Variants in NYAP2 observed in about 807,000 individuals in gnomAD.
The protein encoded by NYAP2 is neuronal tyrosine-phosphorylated phosphoinositide-3-kinase adaptor 2.
NYAP2 carries 23 observed loss-of-function variants against 50.4 expected under a neutral mutation model. The observed-to-expected ratio is 0.46, with a 90% CI of 0.33 to 0.65. The LOEUF (loss-of-function observed/expected upper bound fraction) is 0.65. Ranked by LOEUF, NYAP2 falls within the 30% of genes least tolerant of loss-of-function variation. The pLI is 0.02. For missense variants in NYAP2, 885 were observed against 861.0 expected (o/e 1.03, Z -0.35); for synonymous variants, 394 against 365.2 (o/e 1.08, Z -0.90).
At chr2:225,422,883 T>C (rs979129227) in intron 3 of NYAP2, among the ~76,000 whole-genome samples, 61 of 152,150 alleles carry the variant, frequency 4.0e-4, no homozygotes, top group African/African-American at 1.4e-3. Context: ...ATACTATGAC[T>C]AGTATTCTTC....
upstream of NYAP2, among the ~76,000 whole-genome samples, chr2:225,399,408 G>A (rs1458881043): frequency 6.6e-6 from 1 of 152,046 alleles, no homozygotes. Context: ...ATTCAGTAGA[G>A]TATTAAGAAC....
intron 5 of NYAP2, among the ~76,000 whole-genome samples, chr2:225,602,890 C>T (rs2106242797): frequency 6.6e-6 from 1 of 152,074 alleles, no homozygotes; most frequent in South Asian, 2.1e-4. Context: ...TGTGAGACCT[C>T]CAATTTTGTT....
chr2:225,642,093 T>C (rs1693544063), intron 6 of NYAP2, among the ~76,000 whole-genome samples: 5 of 151,992 alleles, frequency 3.3e-5, no homozygotes, highest in Admixed American at 3.3e-4. Flanking sequence ...AGCATGGAGC[T>C]TAGTAGAGGA....
At chr2:225,620,500 C>T (rs547531609) in intron 5 of NYAP2, among the ~76,000 whole-genome samples, 12 of 151,784 alleles carry the variant, frequency 7.9e-5, no homozygotes, top group South Asian at 4.2e-4. Flanking sequence ...CACACACGCA[C>T]GCACACACAC....
intron 5 of NYAP2, among the ~76,000 whole-genome samples, chr2:225,616,730 G>A (rs1369394964): frequency 6.6e-6 from 1 of 152,060 alleles, no homozygotes; most frequent in Non-Finnish European, 1.5e-5. Context: ...CCGAGAGGCA[G>A]GACAACCATC....
intron 3 of NYAP2, among the ~76,000 whole-genome samples, chr2:225,500,242 T>C (rs1325350023): frequency 2.0e-5 from 3 of 152,198 alleles, no homozygotes; most frequent in Non-Finnish European, 4.4e-5. Flanking sequence ...AAGCTTGCAG[T>C]CATAAAGAGG....
chr2:225,683,882 T>G, the NYAP2 span, among the ~76,000 whole-genome samples: 1 of 152,216 alleles, frequency 6.6e-6, no homozygotes, highest in African/African-American at 2.4e-5. Context: ...TCATTTTTTT[T>G]TCTGCCTTTT....
At chr2:225,531,147 T>C (rs1200987242) in intron 4 of NYAP2, among the ~76,000 whole-genome samples, 2 of 152,178 alleles carry the variant, frequency 1.3e-5, no homozygotes, top group Non-Finnish European at 2.9e-5. Context: ...CTGAACTCAT[T>C]AGCATGACCT....
At chr2:225,639,494 A>T (rs960579469) in intron 6 of NYAP2, among the ~76,000 whole-genome samples, 1 of 152,072 alleles carries the variant, frequency 6.6e-6, no homozygotes, top group African/African-American at 2.4e-5. Context: ...TGGTGATAAA[A>T]CTGAGGCTCA....
the NYAP2 span, among the ~76,000 whole-genome samples, chr2:225,681,208 C>T: frequency 6.6e-6 from 1 of 152,188 alleles, no homozygotes; most frequent in Non-Finnish European, 1.5e-5. Flanking sequence ...CTGAGAAACT[C>T]TGTTCTACTG....
At position 225,582,833 on chromosome 2, in the gene NYAP2, G is replaced by C; in HGVS notation, c.1416G>C (p.Val472=). 6.2e-7 allele frequency: 1 copy of C among 1,613,860 alleles called. No homozygotes were observed. ...GCCTCTCAAGGAGCTCTCCTTCAGT[G>C]CCTCACTCGACCCCCAGACCCGTGT... The change falls in exon 5 of 7, where the codon GTG becomes GTC. Residue 472 remains valine, a synonymous_variant. Coordinates refer to ENST00000636099, the Ensembl canonical transcript of NYAP2. The surrounding 1 kb of genome is among the most constrained non-coding windows in gnomAD (Gnocchi z 7.0).
At chr2:225,637,447 G>T (rs908904394) in intron 6 of NYAP2, among the ~76,000 whole-genome samples, 10 of 152,178 alleles carry the variant, frequency 6.6e-5, no homozygotes, top group African/African-American at 2.2e-4. Context: ...ATTCTGTGCA[G>T]TCAGATCATG....
chr2:225,628,253 A>G (rs932337995), intron 6 of NYAP2, among the ~76,000 whole-genome samples: 2 of 152,130 alleles, frequency 1.3e-5, no homozygotes, highest in Non-Finnish European at 2.9e-5. Flanking sequence ...TTTGATAGTA[A>G]AGTATAAATT....
intron 4 of NYAP2, among the ~76,000 whole-genome samples, chr2:225,559,442 G>C (rs181075645): frequency 1.2e-4 from 18 of 152,066 alleles, no homozygotes; most frequent in Admixed American, 1.2e-3. Context: ...TCTAAGGATT[G>C]CTTCTGAGAT....
chr2:225,457,370 C>G (rs1188193590), intron 3 of NYAP2, among the ~76,000 whole-genome samples: 1 of 152,022 alleles, frequency 6.6e-6, no homozygotes, highest in Non-Finnish European at 1.5e-5. Context: ...GGGCAGATTT[C>G]ACCAGCCCTT....
At chr2:225,680,005 A>G in the NYAP2 span, among the ~76,000 whole-genome samples, 19 of 152,286 alleles carry the variant, frequency 1.2e-4, no homozygotes, top group African/African-American at 2.9e-4. Context: ...ACATGAACAT[A>G]TAAGATTAGA....
intron 5 of NYAP2, among the ~76,000 whole-genome samples, chr2:225,597,305 T>A (rs1302999341): frequency 3.3e-5 from 5 of 151,166 alleles, no homozygotes; most frequent in African/African-American, 1.2e-4. Context: ...CCTCCCACCC[T>A]TTCTCCTGAG....
chr2:225,485,137 TG>T (rs1306957601), intron 3 of NYAP2, among the ~76,000 whole-genome samples: 1 of 152,202 alleles, frequency 6.6e-6, no homozygotes, highest in African/African-American at 2.4e-5. Flanking sequence ...AATTGAATCA[TG>T]GGGGTGGTTT....
chr2:225,475,186 A>C (rs559686401), intron 3 of NYAP2, among the ~76,000 whole-genome samples: 9 of 152,250 alleles, frequency 5.9e-5, no homozygotes, highest in African/African-American at 2.2e-4. Flanking sequence ...ATTTTGGAAT[A>C]TATCATCTGA....
Sources: allele counts gnomAD v4.1 joint callset (sites outside exome capture counted in the v4.1 genomes callset), GRCh38; gene constraint gnomAD v4.1.1; non-coding constraint Gnocchi (gnomAD v3.1); transcripts MANE v1.5; gene names NCBI Gene and HGNC (gene_info 2026-07-23, HGNC 2026-07-21).